The following ZFAT variants were observed in gnomAD, a reference collection of about 807,000 sequenced individuals.
ZFAT encodes zinc finger and AT-hook domain containing.
In ZFAT, 64 loss-of-function variants were observed where a neutral mutation model predicts 117.7. The observed-to-expected ratio is 0.54, with a 90% CI of 0.44 to 0.67. The LOEUF is 0.67. Ranked by LOEUF, ZFAT falls within the 30% of genes least tolerant of loss-of-function variation. The pLI is 0.00. For missense variants in ZFAT, 1,433 were observed against 1,584.5 expected, an observed-to-expected ratio of 0.90 and a Z score of 1.62; for synonymous variants, 679 against 615.0, an observed-to-expected ratio of 1.10 and a Z score of -1.54.
In ZFAT at chr8:134,626,421, G is replaced by A. The variant is rs543158432; in HGVS notation, c.448+11040C>T. Reference sequence around the variant, plus strand: ...TAGGCAACTTCCTTCACCTAGCAGAGCCTCAGCTTCTTCATCTAAAAAAGA... The same window carrying A: ...TAGGCAACTTCCTTCACCTAGCAGAACCTCAGCTTCTTCATCTAAAAAAGA... On this transcript the variant is annotated intron_variant, in intron 3 of 15. Coordinates refer to ENST00000377838, the MANE Select transcript of ZFAT (RefSeq NM_020863.4). Among the ~76,000 whole-genome samples the A allele has an allele frequency of 9.5e-4, 145 of 152,366 alleles. 2 individuals carry two copies. Among genetic ancestry groups the A allele is most frequent in the African/African-American group, 3.0e-3 (125 of 41,584 alleles).
chr8:134,509,115 A>G (rs1022027728), intron 15 of ZFAT, among the ~76,000 whole-genome samples: 3 of 152,342 alleles, frequency 2.0e-5, no homozygotes, highest in African/African-American at 7.2e-5. Context: ...GGATTAATTA[A>G]GTGGAGTAAC....
chr8:134,534,176 G>A (rs547915197), intron 11 of ZFAT, among the ~76,000 whole-genome samples: 1 of 152,332 alleles, frequency 6.6e-6, no homozygotes, highest in East Asian at 1.9e-4. Flanking sequence ...TGAGGCTCAT[G>A]CCCATGTCAT....
chr8:134,735,330 A>G, the ZFAT span, among the ~76,000 whole-genome samples: 3 of 152,218 alleles, frequency 2.0e-5, no homozygotes, highest in Non-Finnish European at 2.9e-5. Flanking sequence ...CCCAAGAGTC[A>G]CTGAAGTCTT....
At chr8:134,582,639 T>C (rs1393271084) in intron 10 of ZFAT, among the ~76,000 whole-genome samples, 2 of 152,224 alleles carry the variant, frequency 1.3e-5, no homozygotes, top group Non-Finnish European at 2.9e-5. Context: ...TTAATACTTA[T>C]GGCTCTGGCT....
At chr8:134,511,658 C>T (rs1474546874) in intron 14 of ZFAT, among the ~76,000 whole-genome samples, 1 of 152,204 alleles carries the variant, frequency 6.6e-6, no homozygotes, top group East Asian at 1.9e-4. Context: ...CCTCTGCCCT[C>T]CAGATATGTA....
intron 13 of ZFAT, 114 bp downstream of exon 13, chr8:134,520,769 A>G (rs992587278): frequency 4.9e-6 from 4 of 824,128 alleles, no homozygotes; most frequent in African/African-American, 3.5e-5. Flanking sequence ...AAGTTCCCCA[A>G]ACAGAAAATC....
intron 5 of ZFAT, among the ~76,000 whole-genome samples, 200 bp from the exon 6 acceptor site, chr8:134,603,133 G>T (rs1827639441): frequency 6.6e-6 from 1 of 152,190 alleles, no homozygotes; most frequent in Non-Finnish European, 1.5e-5. Flanking sequence ...CACAGTCTTG[G>T]GGGAGGGAGG....
intron 15 of ZFAT, among the ~76,000 whole-genome samples, chr8:134,490,678 G>T (rs1342963197): frequency 6.6e-6 from 1 of 152,232 alleles, no homozygotes; most frequent in Non-Finnish European, 1.5e-5. Context: ...GCAAATAGCT[G>T]CTCCAAGACC....
chr8:134,655,525 G>A (rs1381226374), intron 2 of ZFAT, among the ~76,000 whole-genome samples: 1 of 151,988 alleles, frequency 6.6e-6, no homozygotes, highest in African/African-American at 2.4e-5. Flanking sequence ...GCGGGTGCCT[G>A]TAGTCACAGC....
chr8:134,501,305 C>G (rs974124567), intron 15 of ZFAT, among the ~76,000 whole-genome samples: 1 of 152,096 alleles, frequency 6.6e-6, no homozygotes, highest in Non-Finnish European at 1.5e-5. Flanking sequence ...AATTCTCTTG[C>G]CTGGGTCTTC....
chr8:134,738,449 T>C, the ZFAT span, among the ~76,000 whole-genome samples: 1,413 of 152,330 alleles, frequency 9.3e-3, 5 homozygotes, highest in Middle Eastern at 0.017. Flanking sequence ...ATTAATCCAT[T>C]CATGCATTCA....
intron 2 of ZFAT, among the ~76,000 whole-genome samples, chr8:134,648,800 AC>A (rs1335556969): frequency 6.6e-6 from 1 of 152,106 alleles, no homozygotes; most frequent in Non-Finnish European, 1.5e-5. Context: ...GGCCACTATT[AC>A]CCTGAAACCA....
At chr8:134,747,640 A>T in the ZFAT span, among the ~76,000 whole-genome samples, 2 of 152,238 alleles carry the variant, frequency 1.3e-5, no homozygotes, top group Non-Finnish European at 2.9e-5. Flanking sequence ...CATTTATAGA[A>T]CTTGTAACTG....
chr8:134,737,287 A>T, the ZFAT span, among the ~76,000 whole-genome samples: 668 of 145,404 alleles, frequency 4.6e-3, 3 homozygotes, highest in African/African-American at 0.016. Flanking sequence ...TCTCAAAAAA[A>T]ATGAAAATAA....
the ZFAT span, among the ~76,000 whole-genome samples, chr8:134,753,665 A>G: frequency 6.6e-6 from 1 of 152,230 alleles, no homozygotes; most frequent in Non-Finnish European, 1.5e-5. Context: ...ATGCTTGTTG[A>G]GTATAAAGTA....
the ZFAT span, among the ~76,000 whole-genome samples, chr8:134,737,422 G>A: frequency 1.3e-5 from 2 of 152,246 alleles, no homozygotes; most frequent in Non-Finnish European, 2.9e-5. Context: ...CTGGTCAAAA[G>A]CAGCAGCTTC....
At chr8:134,813,505 C>T in the ZFAT span, among the ~76,000 whole-genome samples, 2 of 152,288 alleles carry the variant, frequency 1.3e-5, no homozygotes, top group East Asian at 3.9e-4. Context: ...CCTCCGCTTC[C>T]CCGTTCAAGT....
the ZFAT span, among the ~76,000 whole-genome samples, chr8:134,817,394 TA>T: frequency 1.6e-5 from 2 of 125,980 alleles, no homozygotes; most frequent in African/African-American, 3.0e-5. Flanking sequence ...TCTCTCTCTC[TA>T]CACACACACA....
chr8:134,699,330 G>C (rs969292586), intron 1 of ZFAT, among the ~76,000 whole-genome samples: 7 of 152,204 alleles, frequency 4.6e-5, no homozygotes, highest in Admixed American at 3.9e-4. Flanking sequence ...AATGACAATA[G>C]AGGAAATAAA....
Sources: gnomAD v4.1 joint callset for allele counts (sites outside exome capture counted in the v4.1 genomes callset) on GRCh38, gnomAD v4.1.1 for gene constraint, MANE v1.5 for transcripts, NCBI Gene and HGNC (gene_info 2026-07-23, HGNC 2026-07-21) for gene names.